Variants in GNGT2 observed in about 807,000 individuals in gnomAD.
GNGT2 encodes guanine nucleotide-binding protein G(I)/G(S)/G(O) subunit gamma-T2.
GNGT2 carries 4 observed loss-of-function variants against 3.5 expected under a neutral mutation model. That is an observed-to-expected ratio of 1.13 (90% CI 0.56 to 2.59). The LOEUF (loss-of-function observed/expected upper bound fraction) is 2.59. Ranked by LOEUF, GNGT2 falls within the 30% of genes most tolerant of loss-of-function variation. The probability of loss-of-function intolerance (pLI) is 0.02; values close to 1 mark genes in which losing one functional copy is unlikely to be tolerated. For missense variants in GNGT2, 64 were observed against 81.2 expected, an observed-to-expected ratio of 0.79 and a Z score of 0.82; for synonymous variants, 31 against 29.5, an observed-to-expected ratio of 1.05 and a Z score of -0.17.
intron 2 of GNGT2, among the ~76,000 whole-genome samples, chr17:49,208,412 G>C (rs2043125119): frequency 6.7e-6 from 1 of 149,272 alleles, no homozygotes; most frequent in African/African-American, 2.5e-5. Context: ...AGTGAGCCGA[G>C]ATCACACCAC....
intron 2 of GNGT2, 92 bp from the exon 3 acceptor site, chr17:49,207,536 C>T (rs1387534385): frequency 5.2e-6 from 4 of 761,950 alleles, no homozygotes; most frequent in Non-Finnish European, 9.5e-6. Flanking sequence ...CTGCCATATC[C>T]CTCAGTTCAG....
intron 1 of GNGT2, chr17:49,209,358 G>A (rs915585043): frequency 1.3e-5 from 2 of 152,242 alleles, no homozygotes; most frequent in South Asian, 2.1e-4. Flanking sequence ...TTCACCTTAC[G>A]AAGTTCTCCT....
chr17:49,207,222 C>A (rs1006262714), intron 3 of GNGT2, 117 bp downstream of exon 3: 5 of 819,456 alleles, frequency 6.1e-6, no homozygotes, highest in South Asian at 2.9e-5. Flanking sequence ...CCCAGAGGTA[C>A]CTCCTGCTGC....
intron 3 of GNGT2, among the ~76,000 whole-genome samples, 180 bp from the exon 4 acceptor site, chr17:49,207,062 C>G (rs1341234243): frequency 6.6e-6 from 1 of 152,056 alleles, no homozygotes; most frequent in Non-Finnish European, 1.5e-5. Flanking sequence ...CAACACTGAC[C>G]CTGACCTTCA....
chr17:49,207,891 C>T (rs376009805), intron 2 of GNGT2, among the ~76,000 whole-genome samples: 3 of 152,092 alleles, frequency 2.0e-5, no homozygotes, highest in Non-Finnish European at 4.4e-5. Flanking sequence ...CTTGGCTGGG[C>T]GCGGTGGCTC....
Position 49,206,871 on chromosome 17 carries a change from C to T in GNGT2, c.96G>A (p.Ala32=), listed in dbSNP as rs370999150. 82 of 1,613,810 alleles carry T rather than the reference C, an allele frequency of 5.1e-5. No individual in the cohort carries two copies. The highest frequency in any genetic ancestry group is 6.1e-5 in the Non-Finnish European group (72 of 1,179,942). ...CCACGTACTCCTTGATTTCCTTTCC[C>T]GCTTTGGAAATCTGCGAGAACACAA... The part of the protein sequence containing the change: ...VKNTRIPISK[A]GKEIKEYVEA... The change falls in exon 4 of 4, where the codon GCG becomes GCA. Residue 32 remains alanine, a synonymous_variant. Coordinates refer to ENST00000507680, the MANE Select transcript of GNGT2 (RefSeq NM_001198754.2).
At chr17:49,208,404 T>C (rs850526) in intron 2 of GNGT2, among the ~76,000 whole-genome samples, 46,944 of 149,326 alleles carry the variant, frequency 0.31, 7,518 homozygotes, top group East Asian at 0.47. Flanking sequence ...GAGGTTGCAG[T>C]GAGCCGAGAT....
At chr17:49,209,977 T>C (rs2043144981) in intron 1 of GNGT2, among the ~76,000 whole-genome samples, 1 of 152,178 alleles carries the variant, frequency 6.6e-6, no homozygotes, top group Non-Finnish European at 1.5e-5. Flanking sequence ...AAGTCCTTCC[T>C]GTTGTCTAAT....
In GNGT2 at chr17:49,206,795, T is replaced by G; in HGVS notation, c.172A>C (p.Asn58His). Residue 58 changes from asparagine to histidine, a missense_variant, in exon 4 of 4, where the codon AAT (asparagine) becomes CAT (histidine). By Grantham distance (68) the Asn-to-His change is moderately conservative (BLOSUM62 1). Coordinates refer to ENST00000507680, the MANE Select transcript of GNGT2 (RefSeq NM_001198754.2). ...PFLKGIPEDK[N>H]PFKEKGGCLI... The stretch of plus-strand genomic sequence containing the variant: ...CAGCCACCTTTCTCCTTGAAGGGAT[T>G]CTTGTCCTCAGGGATGCCTTTGAGA... 6.2e-7 allele frequency: 1 copy of G among 1,613,824 alleles called. No homozygotes were observed. The highest frequency in any genetic ancestry group is 8.5e-7 in the Non-Finnish European group (1 of 1,179,770).
chr17:49,208,470 A>C (rs34240787), intron 2 of GNGT2, among the ~76,000 whole-genome samples: 3,324 of 151,776 alleles, frequency 0.022, 62 homozygotes, highest in Non-Finnish European at 0.032. Flanking sequence ...TCAAAAAAAA[A>C]AAAAAGAGAG....
Position 49,207,460 on chromosome 17 carries a change from C to T in GNGT2, c.-22-16G>A. 3.7e-6 allele frequency: 5 copies of T among 1,366,010 alleles called. No individual in the cohort carries two copies. The highest frequency in any genetic ancestry group is 5.2e-6 in the Non-Finnish European group (5 of 953,894). The allele number at this position is 1,366,010 out of a possible 1,614,324, so 84.6% of individuals were successfully genotyped here. ...AGACCTGATCCTGGAAAGGATTCAG[C>T]AGCCAGGATCATAAATCTCATCAGC... is the stretch of plus-strand genomic sequence containing the variant. On this transcript the variant is annotated splice_polypyrimidine_tract_variant and intron_variant, in intron 2 of 3. Coordinates refer to ENST00000507680, the MANE Select transcript of GNGT2 (RefSeq NM_001198754.2).
At chr17:49,209,933 G>C (rs955858264) in intron 1 of GNGT2, among the ~76,000 whole-genome samples, 3 of 152,138 alleles carry the variant, frequency 2.0e-5, no homozygotes, top group Non-Finnish European at 4.4e-5. Flanking sequence ...ACCGCAAGTT[G>C]ATCTGAAATT....
chr17:49,207,651 C>T (rs1182218516), intron 2 of GNGT2, among the ~76,000 whole-genome samples: 1 of 152,106 alleles, frequency 6.6e-6, no homozygotes, highest in Non-Finnish European at 1.5e-5. Context: ...GGGGGAGGCA[C>T]CATTTTTGCC....
intron 2 of GNGT2, 73 bp from the exon 3 acceptor site, chr17:49,207,517 G>C (rs2043117825): frequency 1.2e-6 from 1 of 819,028 alleles, no homozygotes; most frequent in African/African-American, 1.7e-5. Context: ...TCGACTTCTA[G>C]CATCTTCCCT....
At position 49,207,945 on chromosome 17, in the gene GNGT2, C is replaced by T. The variant is rs530695353; in HGVS notation, c.-22-501G>A. Among the ~76,000 whole-genome samples the T allele has an allele frequency of 1.7e-3, 260 of 152,184 alleles. 1 individual carries two copies. The highest frequency in any genetic ancestry group is 3.0e-3 in the Non-Finnish European group (201 of 68,010). On this transcript the variant is annotated intron_variant, in intron 2 of 3. Coordinates refer to ENST00000507680, the MANE Select transcript of GNGT2 (RefSeq NM_001198754.2). ...CTTTGGGAGGCCAAAGTGGGAGGATCGCTTGAGCCCAGGAGTTCAAGATCA... is the reference window on the plus strand; with the variant it reads ...CTTTGGGAGGCCAAAGTGGGAGGATTGCTTGAGCCCAGGAGTTCAAGATCA...
chr17:49,207,504 A>T, intron 2 of GNGT2, 60 bp from the exon 3 acceptor site: 2 of 896,978 alleles, frequency 2.2e-6, no homozygotes, highest in Non-Finnish European at 1.9e-6. Context: ...CTCCCTCCAC[A>T]CCTCGACTTC....
At chr17:49,207,262 CT>C in intron 3 of GNGT2, 76 bp downstream of exon 3, 1 of 1,077,048 alleles carries the variant, frequency 9.3e-7, no homozygotes, top group East Asian at 2.4e-5. Flanking sequence ...TCCCACCACC[CT>C]TTCTGGTCAC....
rs2043109373 is a variant in GNGT2, at chr17:49,206,646, T to C, written c.*111A>G. On this transcript the variant is annotated 3_prime_UTR_variant, in exon 4 of 4. Transcript: ENST00000507680. Reference sequence around the variant, plus strand: ...TTCACAATGCATTTGTTCAGGGATCTTTACTCATTCTGTGATGAAGAGAAG... The same window carrying C: ...TTCACAATGCATTTGTTCAGGGATCCTTACTCATTCTGTGATGAAGAGAAG... 1.0e-6 allele frequency: 1 copy of C among 977,552 alleles called. No individual in the cohort carries two copies. The highest frequency in any genetic ancestry group is 1.5e-6 in the Non-Finnish European group (1 of 645,320). 60.6% of individuals were successfully genotyped at this position (977,552 alleles called of 1,614,324 possible).
intron 2 of GNGT2, 138 bp from the exon 3 acceptor site, chr17:49,207,582 T>G: frequency 3.2e-6 from 2 of 632,894 alleles, no homozygotes; most frequent in Non-Finnish European, 2.8e-6. Context: ...ACTCCATCCT[T>G]GCATGCCCTG....
Sources: allele counts gnomAD v4.1 joint callset (sites outside exome capture counted in the v4.1 genomes callset), GRCh38; gene constraint gnomAD v4.1.1; transcripts MANE v1.5; gene names NCBI Gene and HGNC (gene_info 2026-07-23, HGNC 2026-07-21).